TLL1: variants seen among roughly 807,000 people sequenced by gnomAD.
TLL1 encodes the protein tolloid like 1, also known as tolloid-like protein 1.
TLL1 carries 49 observed loss-of-function variants against 128.2 expected under a neutral mutation model. The ratio of observed to expected loss-of-function variants is 0.38; its 90% CI spans 0.30 to 0.48. The LOEUF (loss-of-function observed/expected upper bound fraction) is 0.48. Among genes scored for constraint, TLL1 ranks in the 20% least tolerant of loss-of-function variants. TLL1 has a pLI of 0.96. For synonymous variants in TLL1, 454 were observed against 418.8 expected (o/e 1.08, Z -1.03); for missense variants, 1,123 against 1,242.0 (o/e 0.90, Z 1.44).
intron 1 of TLL1, among the ~76,000 whole-genome samples, chr4:165,880,498 A>G (rs1730925835): frequency 6.6e-6 from 1 of 152,226 alleles, no homozygotes; most frequent in Non-Finnish European, 1.5e-5. Context: ...AGTTGAAATC[A>G]TATATTAAAT....
At position 166,003,034 on chromosome 4, in the gene TLL1, C is replaced by T. The variant is rs377655192; in HGVS notation, c.633-357C>T. Among the ~76,000 whole-genome samples, 10 of 152,220 alleles carry T rather than the reference C, an allele frequency of 6.6e-5. 1 individual carries two copies. Among genetic ancestry groups the T allele is most frequent in the East Asian group, 5.8e-4 (3 of 5,170 alleles). ...ATTAGAAATAAATGTGTATTGATGGCTTCAGCTTAACTATATGTCTTAGAA... is the reference window on the plus strand; with the variant it reads ...ATTAGAAATAAATGTGTATTGATGGTTTCAGCTTAACTATATGTCTTAGAA... On this transcript the variant is annotated intron_variant, in intron 5 of 20. Coordinates refer to ENST00000061240, the MANE Select transcript of TLL1 (RefSeq NM_012464.5).
intron 1 of TLL1, among the ~76,000 whole-genome samples, chr4:165,945,351 G>A (rs1579521968): frequency 1.3e-5 from 2 of 152,136 alleles, no homozygotes; most frequent in African/African-American, 4.8e-5. Flanking sequence ...GAAGTATTAG[G>A]GACACTTGGG....
intron 7 of TLL1, 151 bp from the exon 8 acceptor site, chr4:166,014,285 G>A (rs891861792): frequency 2.8e-6 from 3 of 1,063,434 alleles, no homozygotes; most frequent in Non-Finnish European, 4.3e-6. Context: ...TTTGATGAAA[G>A]TGTTTTGAAA....
intron 15 of TLL1, 121 bp downstream of exon 15, chr4:166,060,309 CT>C (rs1385339242): frequency 9.2e-7 from 1 of 1,088,710 alleles, no homozygotes; most frequent in Non-Finnish European, 1.3e-6. Flanking sequence ...CTTTCTTTGT[CT>C]TACTGCTCAT....
intron 16 of TLL1, among the ~76,000 whole-genome samples, chr4:166,069,048 A>G (rs6536944): frequency 0.43 from 65,682 of 151,434 alleles, 15,479 homozygotes; most frequent in African/African-American, 0.63. Flanking sequence ...ATATAAAAAT[A>G]AATATAAAAG....
chr4:165,927,683 G>C (rs1196357021), intron 1 of TLL1, among the ~76,000 whole-genome samples: 1 of 152,176 alleles, frequency 6.6e-6, no homozygotes, highest in Non-Finnish European at 1.5e-5. Flanking sequence ...GCCTCCAGGG[G>C]ACATAAAGCA....
chr4:165,912,044 T>A (rs959842686), intron 1 of TLL1, among the ~76,000 whole-genome samples: 2 of 151,946 alleles, frequency 1.3e-5, no homozygotes, highest in East Asian at 3.9e-4. Flanking sequence ...CCCGGCTAAT[T>A]TTTTGTATTT....
In TLL1 at chr4:166,028,447, G is replaced by C. The variant is rs1738608000; in HGVS notation, c.1158+3016G>C. ...GCTTCAGGCTGATATGACCTTGGAA[G>C]TGACTAGTATTCATAAGACTAATCT... On this transcript the variant is annotated intron_variant, in intron 9 of 20. Coordinates refer to ENST00000061240, the MANE Select transcript of TLL1 (RefSeq NM_012464.5). 2.6e-5 allele frequency among the ~76,000 whole-genome samples: 4 copies of C among 151,988 alleles called. No homozygotes were observed. In the South Asian group the frequency reaches 8.3e-4, roughly 31 times the overall value.
chr4:165,981,562 A>T (rs1736149125), intron 1 of TLL1, among the ~76,000 whole-genome samples: 1 of 152,064 alleles, frequency 6.6e-6, no homozygotes, highest in South Asian at 2.1e-4. Flanking sequence ...AAATATGTAA[A>T]TTTTAAAAGG....
chr4:166,055,407 A>T (rs1579682144), intron 13 of TLL1, 136 bp downstream of exon 13: 1 of 771,894 alleles, frequency 1.3e-6, no homozygotes, highest in East Asian at 2.7e-5. Context: ...GAGAGTTTCG[A>T]TAGAAAAGGT....
chr4:165,907,958 T>TA (rs1561021190), intron 1 of TLL1, among the ~76,000 whole-genome samples: 1 of 152,190 alleles, frequency 6.6e-6, no homozygotes, highest in Non-Finnish European at 1.5e-5. Flanking sequence ...AACACTGCTA[T>TA]AGGCCTGTAA....
chr4:166,060,612 A>C (rs988078820), intron 15 of TLL1, among the ~76,000 whole-genome samples: 1 of 152,192 alleles, frequency 6.6e-6, no homozygotes, highest in Non-Finnish European at 1.5e-5. Flanking sequence ...GTAGCTTTTC[A>C]TTATGAATGT....
chr4:165,961,438 A>G (rs553554208), intron 1 of TLL1, among the ~76,000 whole-genome samples: 1 of 152,274 alleles, frequency 6.6e-6, no homozygotes, highest in Non-Finnish European at 1.5e-5. Flanking sequence ...CAAACTGCCA[A>G]TGTCATTTTT....
At chr4:165,876,251 G>T (rs1431431674) in intron 1 of TLL1, among the ~76,000 whole-genome samples, 1 of 152,014 alleles carries the variant, frequency 6.6e-6, no homozygotes, top group Non-Finnish European at 1.5e-5. Flanking sequence ...AAATTTTAGT[G>T]CCTCCTTTTT....
chr4:165,952,583 G>T (rs2110942590), intron 1 of TLL1, among the ~76,000 whole-genome samples: 1 of 152,154 alleles, frequency 6.6e-6, no homozygotes, highest in Admixed American at 6.5e-5. Flanking sequence ...TGATGAGAAT[G>T]GATGAATTCA....
Position 166,014,560 on chromosome 4 carries a change from G to C in TLL1, c.1042G>C (p.Ala348Pro). ...GGCAAGAAAGCTGTATAGATGTCCA[G>C]GTATTGCACTACACAAACACAAGAG... is the stretch of plus-strand genomic sequence containing the variant. ...AQARKLYRCPACGETLQESNG... is the reference protein window; with the variant it reads ...AQARKLYRCPPCGETLQESNG... The change falls in exon 8 of 21, where the codon GCA becomes CCA. Residue 348 changes from alanine (A) to proline (P), a missense_variant and splice_region_variant. By Grantham distance (27) the Ala-to-Pro change is conservative (BLOSUM62 -1). Transcript: ENST00000061240. 6.2e-7 allele frequency: 1 copy of C among 1,611,474 alleles called. No homozygotes were observed. Among genetic ancestry groups the C allele is most frequent in the South Asian group, 1.1e-5 (1 of 91,052 alleles).
intron 1 of TLL1, among the ~76,000 whole-genome samples, chr4:165,936,675 C>T (rs964203119): frequency 1.3e-5 from 2 of 151,920 alleles, no homozygotes; most frequent in Non-Finnish European, 2.9e-5. Context: ...GTGGTGTAAT[C>T]CCAGCACTTT....
At chr4:166,044,379 G>A in intron 12 of TLL1, 2 of 1,535,556 alleles carry the variant, frequency 1.3e-6, no homozygotes, top group Non-Finnish European at 1.7e-6. Context: ...AGCACCAGGA[G>A]AATCCAGGGA....
intron 3 of TLL1, among the ~76,000 whole-genome samples, chr4:165,993,654 G>A (rs955191780): frequency 3.3e-5 from 5 of 151,950 alleles, no homozygotes; most frequent in Non-Finnish European, 7.4e-5. Flanking sequence ...TGATAGATAA[G>A]AAAGAATAAT....
Sources: gnomAD v4.1 joint callset for allele counts (sites outside exome capture counted in the v4.1 genomes callset) on GRCh38, gnomAD v4.1.1 for gene constraint, MANE v1.5 for transcripts, NCBI Gene and HGNC (gene_info 2026-07-23, HGNC 2026-07-21) for gene names.